Variants in CUL3 observed in about 807,000 individuals in gnomAD.
CUL3 encodes cullin-3.
In CUL3, 19 loss-of-function variants were observed where a neutral mutation model predicts 89.1. The observed-to-expected ratio is 0.21, with a 90% confidence interval of 0.15 to 0.31. The LOEUF (loss-of-function observed/expected upper bound fraction) is 0.31, where lower values mean the gene tolerates loss of function less well. CUL3 is among the 10% of genes least tolerant of loss of function. The pLI is 1.00. For synonymous variants in CUL3, 351 were observed against 308.4 expected, an observed-to-expected ratio of 1.14 and a Z score of -1.45; for missense variants, 469 against 942.3, an observed-to-expected ratio of 0.50 and a Z score of 6.58.
intron 10 of CUL3, among the ~76,000 whole-genome samples, chr2:224,501,758 TA>T (rs1459390462): frequency 1.3e-5 from 2 of 152,152 alleles, no homozygotes; most frequent in Admixed American, 1.3e-4. Flanking sequence ...GCAAGTTGGT[TA>T]GGGGAAGGGA....
chr2:224,480,592 A>G (rs1044824456), intron 14 of CUL3, among the ~76,000 whole-genome samples: 2 of 152,332 alleles, frequency 1.3e-5, no homozygotes, highest in African/African-American at 2.4e-5. Flanking sequence ...TTTTTTAAAC[A>G]TAATACTAAT....
intron 3 of CUL3, among the ~76,000 whole-genome samples, chr2:224,533,711 T>C (rs2106260224): frequency 6.6e-6 from 1 of 152,328 alleles, no homozygotes; most frequent in Non-Finnish European, 1.5e-5. Context: ...ATAATATATG[T>C]TGTCACATAC....
At chr2:224,496,754 A>C (rs75263635) in intron 12 of CUL3, among the ~76,000 whole-genome samples, 7,437 of 152,246 alleles carry the variant, frequency 0.049, 238 homozygotes, top group African/African-American at 0.077. Context: ...TTCCTGCTTT[A>C]CGATTTAAGG....
At chr2:224,565,283 A>G (rs760944996) in intron 1 of CUL3, among the ~76,000 whole-genome samples, 4 of 152,242 alleles carry the variant, frequency 2.6e-5, no homozygotes, top group East Asian at 1.9e-4. Flanking sequence ...TTGGTATTCA[A>G]TAAGTGGAAG....
chr2:224,585,085 A>T lies in CUL3; in HGVS notation c.-76T>A. Reference sequence around the variant, plus strand: ...GGTGTCACATTTAAGGCGGGCAGGCAGGCTAGGGGCGACGCTGGGGGCGGC... The same window carrying T: ...GGTGTCACATTTAAGGCGGGCAGGCTGGCTAGGGGCGACGCTGGGGGCGGC... On this transcript the variant is annotated 5_prime_UTR_variant, in exon 1 of 16. Coordinates refer to ENST00000264414, the MANE Select transcript of CUL3 (RefSeq NM_003590.5). The T allele has an allele frequency of 8.1e-7, 1 of 1,241,958 alleles. No individual in the cohort carries two copies. Among genetic ancestry groups the T allele is most frequent in the Non-Finnish European group, 1.1e-6 (1 of 932,150 alleles). The allele number at this position is 1,241,958 out of a possible 1,614,324, so 76.9% of individuals were successfully genotyped here. A position where few individuals can be genotyped will look rare whatever the true frequency, so the allele number is the denominator to read the frequency against.
intron 5 of CUL3, among the ~76,000 whole-genome samples, chr2:224,513,145 T>C (rs370331982): frequency 2.6e-5 from 4 of 152,350 alleles, no homozygotes; most frequent in African/African-American, 9.6e-5. Context: ...ACAAAATATA[T>C]GCTAATCAAC....
At chr2:224,557,938 T>C (rs1694775650) in intron 1 of CUL3, 82 bp from the exon 2 acceptor site, 1 of 770,402 alleles carries the variant, frequency 1.3e-6, no homozygotes, top group African/African-American at 1.8e-5. Flanking sequence ...TATTTGTCCA[T>C]ATATAGTAAA....
In CUL3 at chr2:224,497,936, T is replaced by TTG. The variant is rs113318501; in HGVS notation, c.1611-89_1611-88dup. ...CTACAGGATAACATCCCTTAAACAT[T>TTG]TGTGTGTGTGTGTGTGTGTGTATGG... On this transcript the variant is annotated intron_variant, in intron 11 of 15. Coordinates refer to ENST00000264414, the MANE Select transcript of CUL3 (RefSeq NM_003590.5). 0.019 allele frequency: 17,108 copies of TTG among 908,298 alleles called. 173 individuals are homozygous for TTG. The highest frequency in any genetic ancestry group is 0.067 in the African/African-American group (3,959 of 59,516). 56.3% of individuals were successfully genotyped at this position (908,298 alleles called of 1,614,324 possible).
intron 1 of CUL3, among the ~76,000 whole-genome samples, chr2:224,574,422 G>A (rs1008509957): frequency 6.6e-6 from 1 of 152,184 alleles, no homozygotes; most frequent in Non-Finnish European, 1.5e-5. Flanking sequence ...CCGTTATCAA[G>A]TTGAGCAAGT....
chr2:224,530,301 G>C (rs373686676), intron 3 of CUL3, among the ~76,000 whole-genome samples: 5 of 152,234 alleles, frequency 3.3e-5, no homozygotes, highest in Admixed American at 6.5e-5. Flanking sequence ...TTAGGTAGTA[G>C]GTGGGCAGAC....
chr2:224,557,867 C>G lies in CUL3; in HGVS notation c.67-11G>C, dbSNP rs1247690389. The G allele has an allele frequency of 2.9e-6, 1 of 341,000 alleles. No individual in the cohort carries two copies. Among genetic ancestry groups the G allele is most frequent in the Non-Finnish European group, 5.1e-6 (1 of 196,188 alleles). 21.1% of individuals were successfully genotyped at this position (341,000 alleles called of 1,614,324 possible). On this transcript the variant is annotated splice_polypyrimidine_tract_variant and intron_variant, in intron 1 of 15. Transcript: ENST00000264414. The stretch of plus-strand genomic sequence containing the variant: ...TTCATCCATGGTCATCTGTAATATC[C>G]AAGAGAGAGAAGAGACAAAAAAAAA...
At chr2:224,557,883 C>CAA (rs748754000) in intron 1 of CUL3, 27 bp from the exon 2 acceptor site, 3,848 of 111,662 alleles carry the variant, frequency 0.034, 516 homozygotes, top group African/African-American at 0.092. Flanking sequence ...AGAGAAGAGA[C>CAA]AAAAAAAAAA....
rs556920765 is a variant in CUL3, at chr2:224,485,984, C to A, written c.1843-3906G>T. On this transcript the variant is annotated intron_variant, in intron 13 of 15. Transcript: ENST00000264414. This position sits in a 1 kb window ranked among gnomAD's most constrained non-coding sequence, Gnocchi z 4.1. ...TAGGTGAACAGGGTCTGGAGTGGAC[C>A]TCCAGCAAACTGCAGCAGACCTGCA... Among the ~76,000 whole-genome samples, 1 of 152,354 alleles carries A rather than the reference C, an allele frequency of 6.6e-6. No individual in the cohort carries two copies. Among genetic ancestry groups the A allele is most frequent in the Non-Finnish European group, 1.5e-5 (1 of 68,038 alleles).
intron 13 of CUL3, among the ~76,000 whole-genome samples, chr2:224,484,569 C>G (rs561172351): frequency 1.3e-5 from 2 of 152,138 alleles, no homozygotes; most frequent in South Asian, 4.2e-4. Flanking sequence ...GATGTGTTAT[C>G]ACTTATGTGG....
intron 3 of CUL3, among the ~76,000 whole-genome samples, chr2:224,524,334 G>C (rs1458111915): frequency 1.3e-5 from 2 of 152,088 alleles, no homozygotes; most frequent in African/African-American, 4.8e-5. Flanking sequence ...CTGAAGAGGA[G>C]AGAAACACAA....
At chr2:224,516,636 T>G (rs1693062171) in intron 3 of CUL3, among the ~76,000 whole-genome samples, 1 of 151,152 alleles carries the variant, frequency 6.6e-6, no homozygotes, top group South Asian at 2.1e-4. Flanking sequence ...TTTTGATGGC[T>G]AACACTGTTT....
At chr2:224,490,439 T>C (rs1691920364) in intron 13 of CUL3, among the ~76,000 whole-genome samples, 1 of 152,004 alleles carries the variant, frequency 6.6e-6, no homozygotes, top group Non-Finnish European at 1.5e-5. Flanking sequence ...CCTGCCCCTT[T>C]TGCCTTGTAT....
chr2:224,566,887 G>A (rs1695052111), intron 1 of CUL3, among the ~76,000 whole-genome samples: 1 of 152,168 alleles, frequency 6.6e-6, no homozygotes, highest in African/African-American at 2.4e-5. Context: ...AGCTGGCACA[G>A]GTGTAGCGAT....
At chr2:224,497,963 C>G (rs917132563) in intron 11 of CUL3, 114 bp from the exon 12 acceptor site, 1 of 750,712 alleles carries the variant, frequency 1.3e-6, no homozygotes, top group African/African-American at 1.8e-5. Context: ...TGTGTATGGA[C>G]TTTAAAACTT....
Sources: gnomAD v4.1 joint callset for allele counts (sites outside exome capture counted in the v4.1 genomes callset) on GRCh38, gnomAD v4.1.1 for gene constraint, Gnocchi (gnomAD v3.1) non-coding constraint, MANE v1.5 for transcripts, NCBI Gene and HGNC (gene_info 2026-07-23, HGNC 2026-07-21) for gene names.